APBA1: variants seen among roughly 807,000 people sequenced by gnomAD.
APBA1 encodes amyloid beta precursor protein binding family A member 1, also known as amyloid-beta A4 precursor protein-binding family A member 1.
Under a neutral mutation model 86.6 loss-of-function variants are expected in APBA1, and 55 were observed. That is an observed-to-expected ratio of 0.64 (90% CI 0.51 to 0.80). APBA1 has a LOEUF of 0.80. APBA1 is among the 30% of genes least tolerant of loss of function. The pLI, the probability that APBA1 is intolerant of heterozygous loss-of-function variation, is 0.00. For missense variants in APBA1, 1,090 were observed against 1,183.0 expected (o/e 0.92, Z 1.15); for synonymous variants, 511 against 493.9 (o/e 1.03, Z -0.46).
At chr9:69,531,011 A>T (rs897582782) in intron 1 of APBA1, among the ~76,000 whole-genome samples, 2 of 152,194 alleles carry the variant, frequency 1.3e-5, no homozygotes, top group Admixed American at 6.5e-5. Context: ...AAATTTTTTT[A>T]AAAAGAAAAT....
chr9:69,608,673 C>T (rs967654980), intron 1 of APBA1, among the ~76,000 whole-genome samples: 3 of 152,126 alleles, frequency 2.0e-5, no homozygotes, highest in African/African-American at 7.2e-5. Context: ...TCCCCTTCTC[C>T]CTCGAAGTGG....
rs547599607 is a variant in APBA1 at position 69,618,861 on chromosome 9, C to T, written c.-70+53292G>A. On this transcript the variant is annotated intron_variant, in intron 1 of 12. Transcript: ENST00000265381. ...AGAGGCAGAAGAAATGGATTTACAT[C>T]GTAACCCTGCCCCCTACTAGCTGGG... Among the ~76,000 whole-genome samples, 7 of 152,304 alleles carry T rather than the reference C, an allele frequency of 4.6e-5. No homozygotes were observed. The East Asian group carries it at 5.8e-4, about 13-fold the overall frequency.
At chr9:69,661,941 A>C (rs1442591091) in intron 1 of APBA1, among the ~76,000 whole-genome samples, 1 of 152,014 alleles carries the variant, frequency 6.6e-6, no homozygotes, top group East Asian at 1.9e-4. Context: ...ATTGTGAGCC[A>C]AATAAACTTC....
intron 1 of APBA1, among the ~76,000 whole-genome samples, chr9:69,575,261 C>T (rs1020187889): frequency 2.0e-5 from 3 of 152,018 alleles, no homozygotes; most frequent in South Asian, 2.1e-4. Context: ...TTATCAATAT[C>T]GTGAAAATGG....
At chr9:69,477,363 C>CGCACCTGGAAAA (rs1835468983) in intron 2 of APBA1, among the ~76,000 whole-genome samples, 1 of 142,418 alleles carries the variant, frequency 7.0e-6, no homozygotes, top group South Asian at 2.2e-4. Context: ...GGGTGACGGA[C>CGCACCTGGAAAA]GCACCTGGAA....
intron 2 of APBA1, among the ~76,000 whole-genome samples, chr9:69,490,330 G>T (rs887060754): frequency 6.6e-6 from 1 of 151,884 alleles, no homozygotes; most frequent in African/African-American, 2.4e-5. Flanking sequence ...GTTGTGGGGT[G>T]GGGGGAGAGG....
At chr9:69,503,326 T>A (rs1835906265) in intron 2 of APBA1, among the ~76,000 whole-genome samples, 1 of 152,112 alleles carries the variant, frequency 6.6e-6, no homozygotes. Flanking sequence ...GTCTTCCCTG[T>A]CCCTCCCATG....
At chr9:69,632,450 C>G (rs1215467166) in intron 1 of APBA1, among the ~76,000 whole-genome samples, 2 of 152,124 alleles carry the variant, frequency 1.3e-5, no homozygotes, top group African/African-American at 2.4e-5. Flanking sequence ...TGCTTCTGAG[C>G]TTCGAGACTG....
chr9:69,655,267 C>T (rs781767521), intron 1 of APBA1, among the ~76,000 whole-genome samples: 1 of 151,974 alleles, frequency 6.6e-6, no homozygotes, highest in Non-Finnish European at 1.5e-5. Context: ...AGTCATATTG[C>T]CCCTACTGGC....
chr9:69,431,422 G>A (rs1433123700), intron 12 of APBA1, 24 bp from the exon 13 acceptor site: 1 of 1,607,398 alleles, frequency 6.2e-7, no homozygotes, highest in Non-Finnish European at 8.5e-7. Context: ...ACACACTTTA[G>A]TGGGGGGCTG....
In APBA1 at chr9:69,517,076, C is replaced by T. The variant is rs913602562; in HGVS notation, c.135G>A (p.Gln45=). The T allele has an allele frequency of 2.5e-6, 4 of 1,584,580 alleles. No individual in the cohort carries two copies. Among genetic ancestry groups the T allele is most frequent in the Non-Finnish European group, 2.6e-6 (3 of 1,170,948 alleles). ...CGCGCTGGTGGCGGCCCACATAGTG[C>T]TGCTGCTGCGGCGGCTGCTGCTGTT... ...EEEQQQPPQQ[Q]HYVGRHQRGR... is the part of the protein sequence containing the mutation. Residue 45 remains glutamine (Q), a synonymous_variant, in exon 2 of 13, where the codon CAG becomes CAA. Transcript: ENST00000265381.
intron 11 of APBA1, among the ~76,000 whole-genome samples, chr9:69,439,802 C>T (rs1326994286): frequency 6.6e-6 from 1 of 152,228 alleles, no homozygotes; most frequent in Admixed American, 6.5e-5. Flanking sequence ...CATTCTCCAT[C>T]CAGCTTTGTT....
At chr9:69,660,670 A>C (rs1433067718) in intron 1 of APBA1, among the ~76,000 whole-genome samples, 1 of 152,240 alleles carries the variant, frequency 6.6e-6, no homozygotes, top group African/African-American at 2.4e-5. Flanking sequence ...GAATAGGTGG[A>C]ATTTCCTTTA....
intron 1 of APBA1, among the ~76,000 whole-genome samples, chr9:69,645,907 C>A (rs951941550): frequency 6.6e-6 from 1 of 152,314 alleles, no homozygotes; most frequent in African/African-American, 2.4e-5. Flanking sequence ...TGCCCAATCA[C>A]GTCTCTGCTT....
chr9:69,547,694 A>G (rs1836720086), intron 1 of APBA1, among the ~76,000 whole-genome samples: 1 of 152,238 alleles, frequency 6.6e-6, no homozygotes, highest in Admixed American at 6.5e-5. Flanking sequence ...AATGCTAGAC[A>G]TATTGGTGAT....
chr9:69,590,250 G>A (rs1195132562), intron 1 of APBA1, among the ~76,000 whole-genome samples: 2 of 152,200 alleles, frequency 1.3e-5, no homozygotes, highest in African/African-American at 4.8e-5. Context: ...AAACCCCAGG[G>A]CTTAGCCCAG....
intron 1 of APBA1, among the ~76,000 whole-genome samples, chr9:69,607,554 C>T (rs1485173965): frequency 6.6e-6 from 1 of 152,132 alleles, no homozygotes; most frequent in African/African-American, 2.4e-5. Flanking sequence ...ATTCAAGCTT[C>T]CTCTAACTTT....
intron 1 of APBA1, among the ~76,000 whole-genome samples, chr9:69,627,648 A>C (rs764256248): frequency 4.0e-5 from 6 of 151,884 alleles, no homozygotes; most frequent in Non-Finnish European, 8.8e-5. Context: ...CTACTCAAAA[A>C]CTCTAGAATC....
intron 1 of APBA1, among the ~76,000 whole-genome samples, chr9:69,539,558 A>G (rs924896324): frequency 2.6e-5 from 4 of 152,116 alleles, no homozygotes; most frequent in African/African-American, 9.7e-5. Context: ...CAGCTTCCTA[A>G]TTTGTCTTGA....
Sources: allele counts gnomAD v4.1 joint callset (sites outside exome capture counted in the v4.1 genomes callset), GRCh38; gene constraint gnomAD v4.1.1; transcripts MANE v1.5; gene names NCBI Gene and HGNC (gene_info 2026-07-23, HGNC 2026-07-21).